The following MYO19 variants were observed in gnomAD, a reference collection of about 807,000 sequenced individuals.
MYO19 encodes the protein myosin XIX, also known as unconventional myosin-XIX.
In MYO19, 132 loss-of-function variants were observed where a neutral mutation model predicts 129.2. The observed-to-expected ratio is 1.02, with a 90% CI of 0.89 to 1.18. MYO19 has a LOEUF of 1.18. Ranked by LOEUF, MYO19 falls within the 50% of genes most tolerant of loss-of-function variation. MYO19 has a pLI of 0.00. For missense variants in MYO19, 1,210 were observed against 1,216.7 expected (o/e 0.99, Z 0.08); for synonymous variants, 531 against 477.2 (o/e 1.11, Z -1.47).
chr17:36,537,706 CATT>C (rs2074161776), upstream of MYO19: 5 of 1,614,114 alleles, frequency 3.1e-6, no homozygotes, highest in Non-Finnish European at 4.2e-6. Context: ...TTTACAAACT[CATT>C]GTACTCTGTT....
At chr17:36,508,744 T>A (rs892201682) in intron 14 of MYO19, 2 of 364,356 alleles carry the variant, frequency 5.5e-6, no homozygotes, top group African/African-American at 4.1e-5. Flanking sequence ...AAGTCCCTTC[T>A]AATACAGCTA....
At position 36,505,849 on chromosome 17, in the gene MYO19, C is replaced by T. The variant is rs532019119; in HGVS notation, c.1798-445G>A. On this transcript the variant is annotated intron_variant, in intron 18 of 25. Coordinates refer to ENST00000614623, the MANE Select transcript of MYO19 (RefSeq NM_001163735.2). The stretch of plus-strand genomic sequence containing the variant: ...TCAGAGCTCACTCCAATGGGCCACA[C>T]ATGTTGGATGAACACCCTCGGGGGT... Among the ~76,000 whole-genome samples the T allele has an allele frequency of 2.6e-4, 39 of 152,364 alleles. 1 individual carries two copies. In the South Asian group the frequency reaches 7.7e-3, roughly 30 times the overall value.
At chr17:36,522,153 G>A (rs1202316149) in intron 6 of MYO19, among the ~76,000 whole-genome samples, 5 of 152,082 alleles carry the variant, frequency 3.3e-5, no homozygotes, top group African/African-American at 1.2e-4. Flanking sequence ...ATTTGAGGCA[G>A]AATAGACATT....
chr17:36,507,245 T>A (rs1214274982), intron 16 of MYO19, 106 bp from the exon 17 acceptor site: 2 of 1,494,534 alleles, frequency 1.3e-6, no homozygotes, highest in African/African-American at 1.4e-5. Context: ...CACACAGGCA[T>A]CATAGTGTCC....
intron 18 of MYO19, among the ~76,000 whole-genome samples, chr17:36,505,611 C>G (rs925671992): frequency 3.3e-5 from 5 of 152,242 alleles, no homozygotes; most frequent in African/African-American, 1.2e-4. Flanking sequence ...TGCTCCTCAC[C>G]TCTGTCTTAA....
upstream of MYO19, chr17:36,535,754 C>G (rs1384707406): frequency 1.3e-5 from 2 of 152,184 alleles, no homozygotes; most frequent in African/African-American, 4.8e-5. Context: ...CACCTCTGGG[C>G]TCAAGCGATC....
At chr17:36,536,582 A>G (rs1276955270), upstream of MYO19, among the ~76,000 whole-genome samples, 3 of 142,736 alleles carry the variant, frequency 2.1e-5, no homozygotes, top group South Asian at 2.2e-4. Flanking sequence ...CTGGAGTGCA[A>G]TGGCTCACTC....
In MYO19 at chr17:36,507,111, GC is replaced by G; in HGVS notation, c.1495del (p.Ala499GlnfsTer57). On this transcript the variant is annotated frameshift_variant, in exon 17 of 26. Transcript: ENST00000614623. LOFTEE classifies it high-confidence loss of function. ...EECRLNRPSS[A>X]AQLQTRIETA... ...CTCAATGCGTGTCTGGAGCTGGGCT[GC>G]GCTGCTGGGTCGATTGAGGCGGCAT... 1 of 1,609,614 alleles carries G rather than the reference GC, an allele frequency of 6.2e-7. No individual in the cohort carries two copies. The highest frequency in any genetic ancestry group is 1.1e-5 in the South Asian group (1 of 90,952).
In MYO19 at chr17:36,515,762, C is replaced by A. The variant is rs919874784; in HGVS notation, c.547+96G>T. On this transcript the variant is annotated intron_variant, in intron 7 of 25. Transcript: ENST00000614623. ...GATACACTCATCCTCCACCCCCACCCAAGAGAGGGTCTCAAAGCACTGTCC... is the reference window on the plus strand; with the variant it reads ...GATACACTCATCCTCCACCCCCACCAAAGAGAGGGTCTCAAAGCACTGTCC... 3 of 1,398,482 alleles carry A rather than the reference C, an allele frequency of 2.1e-6. No individual in the cohort carries two copies. In the African/African-American group the frequency reaches 4.3e-5, roughly 20 times the overall value. The allele number at this position is 1,398,482 out of a possible 1,614,324, so 86.6% of individuals were successfully genotyped here. A position where few individuals can be genotyped will look rare whatever the true frequency, so the allele number is the denominator to read the frequency against.
upstream of MYO19, chr17:36,537,107 T>A (rs1414352651): frequency 6.3e-7 from 1 of 1,584,662 alleles, no homozygotes; most frequent in South Asian, 1.2e-5. Context: ...GAAAAATGTC[T>A]GAAAAGCAGA....
At chr17:36,508,882 G>C (rs1488029080) in intron 14 of MYO19, 180 bp downstream of exon 14, 7 of 624,332 alleles carry the variant, frequency 1.1e-5, no homozygotes, top group Non-Finnish European at 2.0e-5. Flanking sequence ...GGGTGCAGGA[G>C]AGCAGAGATC....
intron 25 of MYO19, 89 bp from the exon 26 acceptor site, chr17:36,496,495 A>G (rs1005239797): frequency 8.6e-6 from 11 of 1,285,592 alleles, no homozygotes; most frequent in Non-Finnish European, 1.1e-5. Flanking sequence ...TAAAAATGCA[A>G]GAAGGTATGG....
At chr17:36,509,564 T>C in intron 13 of MYO19, 1 of 225,662 alleles carries the variant, frequency 4.4e-6, no homozygotes, top group South Asian at 6.7e-5. Context: ...GGCCCCACCA[T>C]ACCCCCTGAT....
Position 36,496,171 on chromosome 17 carries a change from C to A in MYO19, c.*80G>T, listed in dbSNP as rs1599168817. ...GCATTTGGAGCACTGTGGGAATAGTCTGGCAGCTGTGTGCTGATTAAATGT... is the reference window on the plus strand; with the variant it reads ...GCATTTGGAGCACTGTGGGAATAGTATGGCAGCTGTGTGCTGATTAAATGT... On this transcript the variant is annotated 3_prime_UTR_variant, in exon 26 of 26. Transcript: ENST00000614623. The A allele has an allele frequency of 3.9e-6, 6 of 1,547,464 alleles. No individual in the cohort carries two copies. In the East Asian group the frequency reaches 1.4e-4, roughly 35 times the overall value.
intron 6 of MYO19, among the ~76,000 whole-genome samples, chr17:36,521,488 C>T (rs1412539423): frequency 1.3e-5 from 2 of 152,084 alleles, no homozygotes; most frequent in Non-Finnish European, 2.9e-5. Context: ...GATTACACAA[C>T]TAACCAAATT....
At chr17:36,510,702 C>T in intron 13 of MYO19, 44 bp downstream of exon 13, 2 of 1,539,966 alleles carry the variant, frequency 1.3e-6, no homozygotes, top group Non-Finnish European at 8.8e-7. Context: ...AGGAAGAGCA[C>T]TTGTCGGGGT....
chr17:36,506,711 C>G, intron 17 of MYO19, 103 bp from the exon 18 acceptor site: 1 of 1,376,430 alleles, frequency 7.3e-7, no homozygotes, highest in South Asian at 1.5e-5. Flanking sequence ...CCAGGTAGGA[C>G]AGGGCCTGAG....
At position 36,510,888 on chromosome 17, in the gene MYO19, C is replaced by G. The variant is rs1165509584; in HGVS notation, c.1015G>C (p.Gly339Arg). ...TCCAGCAGCACGTCCTCTGGGAGCCCCAGCAGCGAGGCTGCCGTCCTGACA... is the reference window on the plus strand; with the variant it reads ...TCCAGCAGCACGTCCTCTGGGAGCCGCAGCAGCGAGGCTGCCGTCCTGACA... Reference protein sequence around the residue: ...YSVRTAASLLGLPEDVLLEMV... With the variant: ...YSVRTAASLLRLPEDVLLEMV... Residue 339 changes from glycine to arginine, a missense_variant, in exon 13 of 26, where the codon GGG becomes CGG. Physicochemically the swap from Gly to Arg is moderately radical, Grantham distance 125. Coordinates refer to ENST00000614623, the MANE Select transcript of MYO19 (RefSeq NM_001163735.2). 6.3e-7 allele frequency: 1 copy of G among 1,581,312 alleles called. No homozygotes were observed. Among genetic ancestry groups the G allele is most frequent in the Non-Finnish European group, 8.6e-7 (1 of 1,163,560 alleles).
chr17:36,530,296 C>A (rs1219390296), intron 3 of MYO19, among the ~76,000 whole-genome samples: 3 of 152,094 alleles, frequency 2.0e-5, no homozygotes, highest in Admixed American at 6.5e-5. Context: ...CAAAGTGAGA[C>A]CCTGTCTCTA....
Sources: allele counts gnomAD v4.1 joint callset (sites outside exome capture counted in the v4.1 genomes callset), GRCh38; gene constraint gnomAD v4.1.1; transcripts MANE v1.5; gene names NCBI Gene and HGNC (gene_info 2026-07-23, HGNC 2026-07-21).